MYT1L: variants seen among roughly 807,000 people sequenced by gnomAD.
MYT1L encodes myelin transcription factor 1 like.
MYT1L carries 12 observed loss-of-function variants against 126.7 expected under a neutral mutation model. That is an observed-to-expected ratio of 0.09 (90% confidence interval 0.06 to 0.15). The LOEUF (loss-of-function observed/expected upper bound fraction) is 0.15. Ranked by LOEUF, MYT1L falls within the 10% of genes least tolerant of loss-of-function variation. The pLI, the probability that MYT1L is intolerant of heterozygous loss-of-function variation, is 1.00. For missense variants in MYT1L, 979 were observed against 1,585.2 expected, an observed-to-expected ratio of 0.62 and a Z score of 6.49; for synonymous variants, 541 against 604.2, an observed-to-expected ratio of 0.90 and a Z score of 1.53.
At position 2,286,685 on chromosome 2, in the gene MYT1L, T is replaced by C. The variant is rs149786557; in HGVS notation, c.-520-2182A>G. Among the ~76,000 whole-genome samples the C allele has an allele frequency of 3.6e-3, 548 of 152,310 alleles. 3 individuals are homozygous for C. The highest frequency in any genetic ancestry group is 0.02 in the Middle Eastern group (6 of 294). On this transcript the variant is annotated intron_variant, in intron 1 of 24. Coordinates refer to ENST00000647738, the MANE Select transcript of MYT1L (RefSeq NM_001303052.2). ...GTTTAAGTGGCCTCACATGGTTTGC[T>C]ACACTTGGACACAGCAGGAGAGATC...
intron 2 of MYT1L, among the ~76,000 whole-genome samples, chr2:2,268,762 C>T (rs529946024): frequency 4.6e-5 from 7 of 152,192 alleles, no homozygotes; most frequent in South Asian, 2.1e-4. Flanking sequence ...AGCTGCCTTC[C>T]GTTTACAGAA....
At chr2:2,082,374 A>C (rs546303065) in intron 3 of MYT1L, among the ~76,000 whole-genome samples, 1 of 152,322 alleles carries the variant, frequency 6.6e-6, no homozygotes, top group Admixed American at 6.5e-5. Context: ...TTCATGTGTT[A>C]ATCTTTTTCA....
intron 3 of MYT1L, among the ~76,000 whole-genome samples, chr2:2,111,435 C>T (rs990403206): frequency 1.6e-4 from 24 of 152,160 alleles, no homozygotes; most frequent in Non-Finnish European, 3.2e-4. Context: ...TTTTAGCAAA[C>T]CCGATGAATT....
At chr2:2,319,542 G>A (rs552015580) in intron 1 of MYT1L, among the ~76,000 whole-genome samples, 31 of 152,194 alleles carry the variant, frequency 2.0e-4, no homozygotes, top group African/African-American at 2.6e-4. Flanking sequence ...CATACGTGCC[G>A]TTGAATAGAG....
chr2:2,148,905 C>T (rs2085304430), intron 3 of MYT1L, among the ~76,000 whole-genome samples: 1 of 152,054 alleles, frequency 6.6e-6, no homozygotes, highest in Admixed American at 6.6e-5. Flanking sequence ...ATGCTGTGTC[C>T]TTCTTGTGAA....
intron 1 of MYT1L, among the ~76,000 whole-genome samples, chr2:2,295,533 AAGATAGAGAGAGAGAGAGAG>A (rs1252198806): frequency 1.5e-4 from 10 of 64,738 alleles, no homozygotes; most frequent in Non-Finnish European, 2.5e-4. Flanking sequence ...GGTGCAGAGA[AAGATAGAGAGAGAGAGAGAG>A]AGACAGACAG....
At chr2:2,077,197 A>T (rs2075322050) in intron 3 of MYT1L, among the ~76,000 whole-genome samples, 1 of 152,162 alleles carries the variant, frequency 6.6e-6, no homozygotes, top group Non-Finnish European at 1.5e-5. Context: ...AGCCTTACAG[A>T]TCTCTGGGAC....
At chr2:1,897,783 T>A (rs1037443672) in intron 14 of MYT1L, among the ~76,000 whole-genome samples, 6 of 151,994 alleles carry the variant, frequency 3.9e-5, no homozygotes, top group Non-Finnish European at 7.4e-5. Flanking sequence ...TTTGATCAAA[T>A]TTTTTTTCAG....
intron 3 of MYT1L, among the ~76,000 whole-genome samples, chr2:2,160,956 C>T (rs1179949409): frequency 2.0e-5 from 3 of 152,248 alleles, no homozygotes; most frequent in South Asian, 2.1e-4. Context: ...GTGGCTCACA[C>T]CTGTAATCCC....
intron 19 of MYT1L, chr2:1,841,060 C>A (rs867992036): frequency 4.3e-6 from 2 of 468,722 alleles, no homozygotes; most frequent in African/African-American, 2.0e-5. Flanking sequence ...GCCACCACCA[C>A]GCCTGGCTAA....
chr2:1,810,387 G>T (rs544542654), intron 21 of MYT1L, among the ~76,000 whole-genome samples: 18 of 152,178 alleles, frequency 1.2e-4, no homozygotes, highest in African/African-American at 3.6e-4. Flanking sequence ...TGATCTGCCC[G>T]CCTTGGCCTC....
Position 2,050,512 on chromosome 2 carries a change from C to T in MYT1L, c.-158+3466G>A, listed in dbSNP as rs116260978. 4.1e-3 allele frequency among the ~76,000 whole-genome samples: 626 copies of T among 152,214 alleles called. 1 individual carries two copies. Among genetic ancestry groups the T allele is most frequent in the Non-Finnish European group, 6.5e-3 (443 of 68,024 alleles). ...ATTGGATTTCCTAGAGCACCAGCTG[C>T]GGAGGCGCCACAGGTGTTCACGGCT... On this transcript the variant is annotated intron_variant, in intron 4 of 24. Transcript: ENST00000647738.
chr2:1,860,343 C>T (rs1465481747), intron 18 of MYT1L, among the ~76,000 whole-genome samples: 1 of 152,188 alleles, frequency 6.6e-6, no homozygotes, highest in Non-Finnish European at 1.5e-5. Context: ...ACTGGTGCAG[C>T]TGACGCAAGG....
At chr2:1,916,561 C>A (rs2052866132) in intron 11 of MYT1L, among the ~76,000 whole-genome samples, 1 of 152,128 alleles carries the variant, frequency 6.6e-6, no homozygotes, top group South Asian at 2.1e-4. Flanking sequence ...CATTTCAATT[C>A]TAAAAAAATT....
At chr2:2,293,584 C>T (rs528859116) in intron 1 of MYT1L, among the ~76,000 whole-genome samples, 2 of 152,218 alleles carry the variant, frequency 1.3e-5, no homozygotes, top group South Asian at 4.1e-4. Context: ...CTCAGGGGGT[C>T]CCCGGGGAAC....
At chr2:1,799,648 C>T (rs10203661) in intron 23 of MYT1L, among the ~76,000 whole-genome samples, 3,010 of 152,330 alleles carry the variant, frequency 0.02, 61 homozygotes, top group South Asian at 0.032. Context: ...CAGAGAGTGC[C>T]CCAAAAGGTG....
At chr2:1,792,111 C>T (rs1306814828) in intron 24 of MYT1L, 104 bp from the exon 25 acceptor site, 4 of 1,212,298 alleles carry the variant, frequency 3.3e-6, no homozygotes, top group South Asian at 1.7e-5. Context: ...TGGTTTTATA[C>T]TATTTCAAAG....
chr2:1,903,994 A>G (rs2148966259), intron 13 of MYT1L, among the ~76,000 whole-genome samples: 1 of 152,336 alleles, frequency 6.6e-6, no homozygotes. Context: ...GGTCTAGCTC[A>G]TAAGAGGAGT....
chr2:2,157,220 T>A (rs539506524), intron 3 of MYT1L, among the ~76,000 whole-genome samples: 1 of 152,220 alleles, frequency 6.6e-6, no homozygotes, highest in African/African-American at 2.4e-5. Context: ...CTGTAAAATA[T>A]AATGAAATCA....
Sources: allele counts gnomAD v4.1 joint callset (sites outside exome capture counted in the v4.1 genomes callset), GRCh38; gene constraint gnomAD v4.1.1; transcripts MANE v1.5; gene names NCBI Gene and HGNC (gene_info 2026-07-23, HGNC 2026-07-21).